TRHDE: variants seen among roughly 807,000 people sequenced by gnomAD.
The protein encoded by TRHDE is thyrotropin releasing hormone degrading enzyme.
TRHDE carries 72 observed loss-of-function variants against 125.7 expected under a neutral mutation model. The observed-to-expected ratio is 0.57, with a 90% confidence interval of 0.47 to 0.70. The LOEUF (loss-of-function observed/expected upper bound fraction) is 0.70. Ranked by LOEUF, TRHDE falls within the 30% of genes least tolerant of loss-of-function variation. The pLI, the probability that TRHDE is intolerant of heterozygous loss-of-function variation, is 0.00. For missense variants in TRHDE, 1,110 were observed against 1,327.1 expected (o/e 0.84, Z 2.54); for synonymous variants, 509 against 509.1 (o/e 1.00, Z 0.00).
chr12:72,473,429 A>G (rs958516658), intron 5 of TRHDE, among the ~76,000 whole-genome samples: 1 of 152,182 alleles, frequency 6.6e-6, no homozygotes, highest in Admixed American at 6.5e-5. Context: ...AATATTTTCA[A>G]TTGTAGTATT....
intron 2 of TRHDE, among the ~76,000 whole-genome samples, chr12:72,197,918 A>G (rs1877477000): frequency 6.6e-6 from 1 of 151,504 alleles, no homozygotes; most frequent in Non-Finnish European, 1.5e-5. Context: ...TTTTATTTTT[A>G]AAATTGAATA....
At chr12:72,185,389 G>T (rs1324423197) in intron 2 of TRHDE, among the ~76,000 whole-genome samples, 1 of 152,220 alleles carries the variant, frequency 6.6e-6, no homozygotes, top group Non-Finnish European at 1.5e-5. Flanking sequence ...CCTGCTCCAC[G>T]GCGCCCAGTC....
At chr12:72,300,138 T>C (rs1373502775) in intron 2 of TRHDE, among the ~76,000 whole-genome samples, 1 of 152,140 alleles carries the variant, frequency 6.6e-6, no homozygotes, top group African/African-American at 2.4e-5. Flanking sequence ...GGGTAACCAT[T>C]CTTCCAGGCA....
intron 5 of TRHDE, among the ~76,000 whole-genome samples, chr12:72,495,339 T>A (rs999892362): frequency 1.3e-5 from 2 of 152,048 alleles, no homozygotes; most frequent in Admixed American, 1.3e-4. Context: ...ACTACTTTTA[T>A]TAAGCCATTA....
intron 3 of TRHDE, among the ~76,000 whole-genome samples, chr12:72,464,749 G>T (rs1876289197): frequency 6.6e-6 from 1 of 152,122 alleles, no homozygotes; most frequent in Non-Finnish European, 1.5e-5. Context: ...AAAAAATGAT[G>T]AATTCTGGGA....
chr12:72,154,106 A>G (rs1410070853), intron 2 of TRHDE, among the ~76,000 whole-genome samples: 2 of 152,194 alleles, frequency 1.3e-5, no homozygotes, highest in African/African-American at 4.8e-5. Context: ...TATATTTAGG[A>G]TAGTTAGCTC....
chr12:72,345,618 A>G (rs1870293111), intron 2 of TRHDE, among the ~76,000 whole-genome samples: 1 of 152,104 alleles, frequency 6.6e-6, no homozygotes, highest in Non-Finnish European at 1.5e-5. Context: ...ACTTTTGTGA[A>G]CCAGTAGGAG....
At chr12:72,152,656 C>T (rs190252010) in intron 2 of TRHDE, among the ~76,000 whole-genome samples, 2,630 of 152,162 alleles carry the variant, frequency 0.017, 39 homozygotes, top group Middle Eastern at 0.041. Flanking sequence ...GAGATAATCA[C>T]GTGTTTTTTG....
At chr12:72,204,303 A>G (rs1371589754) in intron 2 of TRHDE, among the ~76,000 whole-genome samples, 3 of 151,930 alleles carry the variant, frequency 2.0e-5, no homozygotes, top group Non-Finnish European at 2.9e-5. Context: ...CTAATACCCT[A>G]TCTCTTTGCT....
intron 6 of TRHDE, among the ~76,000 whole-genome samples, chr12:72,539,816 A>C (rs1205552549): frequency 6.6e-6 from 1 of 151,826 alleles, no homozygotes; most frequent in Non-Finnish European, 1.5e-5. Context: ...TTTCTAGAGC[A>C]AGTCTCAAAA....
intron 12 of TRHDE, among the ~76,000 whole-genome samples, chr12:72,595,886 T>G (rs182385281): frequency 2.0e-5 from 3 of 152,278 alleles, no homozygotes; most frequent in African/African-American, 7.2e-5. Flanking sequence ...CAGTCATGAA[T>G]GTGAGTCATA....
intron 3 of TRHDE, among the ~76,000 whole-genome samples, chr12:72,378,846 C>T (rs889360795): frequency 4.6e-5 from 7 of 152,168 alleles, no homozygotes; most frequent in Non-Finnish European, 1.0e-4. Flanking sequence ...AATTGGTTAT[C>T]TGAATTTCAA....
At chr12:72,537,094 A>T (rs1188000218) in intron 6 of TRHDE, among the ~76,000 whole-genome samples, 3 of 152,076 alleles carry the variant, frequency 2.0e-5, no homozygotes, top group Non-Finnish European at 4.4e-5. Flanking sequence ...TTTACTACCC[A>T]TGTCAATTTC....
At chr12:72,136,402 T>A (rs905347880) in intron 2 of TRHDE, among the ~76,000 whole-genome samples, 1 of 152,232 alleles carries the variant, frequency 6.6e-6, no homozygotes, top group Non-Finnish European at 1.5e-5. Context: ...TAGGCTACAT[T>A]GAAATGATAT....
At chr12:72,232,551 C>T (rs979960557) in intron 2 of TRHDE, among the ~76,000 whole-genome samples, 3 of 151,912 alleles carry the variant, frequency 2.0e-5, no homozygotes, top group African/African-American at 7.3e-5. Flanking sequence ...AACAGAGCAT[C>T]AAGAATACAG....
chr12:72,551,166 G>A (rs543207410), intron 7 of TRHDE, among the ~76,000 whole-genome samples: 144 of 151,928 alleles, frequency 9.5e-4, no homozygotes, highest in Non-Finnish European at 9.7e-4. Context: ...GAAAAAATAC[G>A]TTACAAATTA....
chr12:72,485,906 G>T (rs182240653), intron 5 of TRHDE, among the ~76,000 whole-genome samples: 1 of 152,084 alleles, frequency 6.6e-6, no homozygotes, highest in Non-Finnish European at 1.5e-5. Flanking sequence ...CTCCCAAGCC[G>T]TATTGGCATC....
intron 2 of TRHDE, among the ~76,000 whole-genome samples, chr12:72,195,856 G>A (rs1172119471): frequency 6.6e-6 from 1 of 152,006 alleles, no homozygotes; most frequent in Non-Finnish European, 1.5e-5. Flanking sequence ...TATTGTGTGA[G>A]GTCTTTCATT....
At chr12:72,144,981 C>T (rs1876196757) in intron 2 of TRHDE, among the ~76,000 whole-genome samples, 1 of 152,156 alleles carries the variant, frequency 6.6e-6, no homozygotes, top group African/African-American at 2.4e-5. Context: ...TCCCAGACTT[C>T]TCTGCCACGT....
Sources: gnomAD v4.1 joint callset for allele counts (sites outside exome capture counted in the v4.1 genomes callset) on GRCh38, gnomAD v4.1.1 for gene constraint, MANE v1.5 for transcripts, NCBI Gene and HGNC (gene_info 2026-07-23, HGNC 2026-07-21) for gene names.